RNF150: variants seen among roughly 807,000 people sequenced by gnomAD.
RNF150 encodes ring finger protein 150.
In RNF150, 24 loss-of-function variants were observed where a neutral mutation model predicts 39.3. That is an observed-to-expected ratio of 0.61 (90% CI 0.44 to 0.86). The LOEUF (loss-of-function observed/expected upper bound fraction) is 0.86, where lower values mean the gene tolerates loss of function less well. Ranked by LOEUF, RNF150 falls within the 40% of genes least tolerant of loss-of-function variation. RNF150 has a pLI of 0.00. For missense variants in RNF150, 502 were observed against 587.8 expected, an observed-to-expected ratio of 0.85 and a Z score of 1.51; for synonymous variants, 255 against 227.3, an observed-to-expected ratio of 1.12 and a Z score of -1.10.
intron 5 of RNF150, among the ~76,000 whole-genome samples, chr4:140,925,110 G>C (rs902418232): frequency 4.6e-5 from 7 of 152,200 alleles, no homozygotes; most frequent in African/African-American, 1.7e-4. Flanking sequence ...AGGGGCTGAG[G>C]GGGAGCTGGC....
At chr4:140,893,379 A>G (rs1341996104) in intron 6 of RNF150, among the ~76,000 whole-genome samples, 1 of 152,200 alleles carries the variant, frequency 6.6e-6, no homozygotes, top group Non-Finnish European at 1.5e-5. Flanking sequence ...GATTTTTTGA[A>G]AGGATAAAAC....
chr4:141,211,193 G>A (rs749379329), intron 1 of RNF150, among the ~76,000 whole-genome samples: 8 of 152,142 alleles, frequency 5.3e-5, no homozygotes, highest in Non-Finnish European at 8.8e-5. Context: ...TGATTTTGAT[G>A]TAATGTTTAC....
intron 1 of RNF150, among the ~76,000 whole-genome samples, chr4:141,122,190 T>C (rs901918372): frequency 6.6e-6 from 1 of 152,204 alleles, no homozygotes; most frequent in Non-Finnish European, 1.5e-5. Flanking sequence ...GTTTCCTAAC[T>C]GCTGGTTCAA....
chr4:141,051,916 C>T (rs1448713663), intron 1 of RNF150, among the ~76,000 whole-genome samples: 1 of 152,094 alleles, frequency 6.6e-6, no homozygotes. Context: ...TAAAGACATA[C>T]CTGAGGCTGG....
rs964605218 is a variant in RNF150 at position 140,865,155 on chromosome 4, A to T, written c.*3106T>A. 3 of 152,202 alleles carry T rather than the reference A, an allele frequency of 2.0e-5. No homozygotes were observed. Among genetic ancestry groups the T allele is most frequent in the African/African-American group, 7.2e-5 (3 of 41,454 alleles). The allele number at this position is 152,202 out of a possible 1,614,324, so 9.4% of individuals were successfully genotyped here. A position where few individuals can be genotyped will look rare whatever the true frequency, so the allele number is the denominator to read the frequency against. On this transcript the variant is annotated 3_prime_UTR_variant, in exon 7 of 7. Transcript: ENST00000515673. ...GTAAAAGACACAATGGATTTAGAAG[A>T]CTTAGTACACAAAAGCATGTAAAAC...
chr4:141,023,088 G>A (rs1735558322), intron 1 of RNF150, among the ~76,000 whole-genome samples: 1 of 152,144 alleles, frequency 6.6e-6, no homozygotes, highest in Admixed American at 6.6e-5. Context: ...AGTGTACTAA[G>A]TGCCTTCCTT....
intron 1 of RNF150, among the ~76,000 whole-genome samples, chr4:141,201,397 A>G (rs1219832371): frequency 6.6e-6 from 1 of 152,216 alleles, no homozygotes; most frequent in Non-Finnish European, 1.5e-5. Flanking sequence ...ATAAATCCAT[A>G]GATTCCAGGT....
At chr4:140,958,335 G>A (rs1479500489) in intron 2 of RNF150, among the ~76,000 whole-genome samples, 1 of 152,010 alleles carries the variant, frequency 6.6e-6, no homozygotes, top group Admixed American at 6.6e-5. Context: ...AAGCCGGAAA[G>A]GGCCAGCGCT....
At chr4:141,107,850 T>C (rs912821234) in intron 1 of RNF150, among the ~76,000 whole-genome samples, 6 of 142,036 alleles carry the variant, frequency 4.2e-5, no homozygotes, top group Admixed American at 1.4e-4. Flanking sequence ...CTAGAATATA[T>C]ATATAGTTTC....
At chr4:140,975,304 T>C (rs1733620553) in intron 1 of RNF150, among the ~76,000 whole-genome samples, 2 of 152,116 alleles carry the variant, frequency 1.3e-5, no homozygotes, top group South Asian at 4.1e-4. Context: ...ATTTGAAACC[T>C]AGCTATACGA....
intron 1 of RNF150, among the ~76,000 whole-genome samples, chr4:141,206,931 C>T (rs1728384627): frequency 6.6e-6 from 1 of 151,728 alleles, no homozygotes; most frequent in South Asian, 2.1e-4. Flanking sequence ...GGTGCAAGTC[C>T]CAAAGGTGGA....
At chr4:140,930,235 C>T (rs1578978508) in intron 4 of RNF150, among the ~76,000 whole-genome samples, 1 of 152,204 alleles carries the variant, frequency 6.6e-6, no homozygotes, top group Non-Finnish European at 1.5e-5. Flanking sequence ...AAGACTATAG[C>T]ATCAGCTCCT....
At chr4:141,027,245 T>C (rs1735736130) in intron 1 of RNF150, among the ~76,000 whole-genome samples, 1 of 152,260 alleles carries the variant, frequency 6.6e-6, no homozygotes, top group Non-Finnish European at 1.5e-5. Context: ...CCTTCTTGCT[T>C]CAAAAGGAAT....
intron 1 of RNF150, among the ~76,000 whole-genome samples, chr4:141,178,382 A>G (rs1349335720): frequency 6.6e-6 from 1 of 152,214 alleles, no homozygotes; most frequent in Non-Finnish European, 1.5e-5. Flanking sequence ...GCAAAGCTAT[A>G]TCAAGGTTAA....
rs149205387 is a variant in RNF150, at chr4:141,083,573, C to T, written c.484+48752G>A. 3.4e-4 allele frequency among the ~76,000 whole-genome samples: 51 copies of T among 152,122 alleles called. No individual in the cohort carries two copies. In the East Asian group the frequency reaches 6.0e-3, roughly 18 times the overall value. On this transcript the variant is annotated intron_variant, in intron 1 of 6. Transcript: ENST00000515673. ...ACTAAGACACAGCATCATAAAAAGA[C>T]GTGAGTGTGAAGGGCAAAATGAGGA...
At position 141,132,575 on chromosome 4, in the gene RNF150, T is replaced by A. The variant is rs376333569; in HGVS notation, c.234A>T (p.Gly78=). The A allele has an allele frequency of 6.3e-6, 10 of 1,580,708 alleles. No individual in the cohort carries two copies. Among genetic ancestry groups the A allele is most frequent in the African/African-American group, 2.7e-5 (2 of 74,016 alleles). ...HTEKTECGRY[G]EHSPKQDARG... is the part of the protein sequence containing the mutation. ...GGGCGTCCTGCTTGGGCGAGTGCTC[T>A]CCGTAGCGCCCGCACTCCGTCTTCT... The change falls in exon 1 of 7, where the codon GGA becomes GGT. Residue 78 remains glycine, a synonymous_variant. Coordinates refer to ENST00000515673, the MANE Select transcript of RNF150 (RefSeq NM_020724.2). This position sits in a 1 kb window ranked among gnomAD's most constrained non-coding sequence, Gnocchi z 4.9.
At chr4:141,193,418 A>G (rs1223142221) in intron 1 of RNF150, among the ~76,000 whole-genome samples, 1 of 152,174 alleles carries the variant, frequency 6.6e-6, no homozygotes, top group African/African-American at 2.4e-5. Flanking sequence ...TTCTCCAGCA[A>G]TCTGAAACAT....
intron 6 of RNF150, among the ~76,000 whole-genome samples, chr4:140,904,077 C>T (rs1270199594): frequency 1.3e-5 from 2 of 152,244 alleles, no homozygotes; most frequent in East Asian, 1.9e-4. Context: ...CGAAGCTTGA[C>T]GATGATGGCA....
At chr4:140,910,823 T>C (rs1285006348) in intron 6 of RNF150, among the ~76,000 whole-genome samples, 1 of 151,758 alleles carries the variant, frequency 6.6e-6, no homozygotes, top group Non-Finnish European at 1.5e-5. Context: ...CCCTCCAGTC[T>C]GAGAGGCTCC....
Sources: gnomAD v4.1 joint callset for allele counts (sites outside exome capture counted in the v4.1 genomes callset) on GRCh38, gnomAD v4.1.1 for gene constraint, Gnocchi (gnomAD v3.1) non-coding constraint, MANE v1.5 for transcripts, NCBI Gene and HGNC (gene_info 2026-07-23, HGNC 2026-07-21) for gene names.